Variants in TMEM63C observed in about 807,000 individuals in gnomAD.
TMEM63C encodes the protein osmosensitive cation channel TMEM63C.
Under a neutral mutation model 99.2 loss-of-function variants are expected in TMEM63C, and 32 were observed. That is an observed-to-expected ratio of 0.32 (90% CI 0.24 to 0.43). The LOEUF is 0.43. Among genes scored for constraint, TMEM63C ranks in the 20% least tolerant of loss-of-function variants. The probability of loss-of-function intolerance (pLI) is 1.00; values close to 1 mark genes in which losing one functional copy is unlikely to be tolerated. For missense variants in TMEM63C, 826 were observed against 1,053.0 expected (o/e 0.78, Z 2.98); for synonymous variants, 376 against 397.9 (o/e 0.94, Z 0.66).
At chr14:77,187,403 G>A (rs540124559) in intron 1 of TMEM63C, among the ~76,000 whole-genome samples, 152 of 152,362 alleles carry the variant, frequency 1.0e-3, no homozygotes, top group African/African-American at 3.5e-3. Context: ...AGTCACGGGA[G>A]CAGGGAAGGT....
chr14:77,255,189 C>A (rs911805908), intron 23 of TMEM63C, among the ~76,000 whole-genome samples: 1 of 152,346 alleles, frequency 6.6e-6, no homozygotes, highest in South Asian at 2.1e-4. Flanking sequence ...TGGGGTTTTA[C>A]CATGTTGGCC....
chr14:77,226,679 C>T (rs980866274), intron 6 of TMEM63C, among the ~76,000 whole-genome samples: 1 of 151,208 alleles, frequency 6.6e-6, no homozygotes, highest in African/African-American at 2.4e-5. Flanking sequence ...TGTGCACAGA[C>T]ATGGTAAATC....
chr14:77,216,127 G>GGA (rs34226160), intron 2 of TMEM63C, among the ~76,000 whole-genome samples: 139,904 of 148,960 alleles, frequency 0.94, 65,872 homozygotes, highest in Middle Eastern at 0.99. Flanking sequence ...AAGGAGGGAG[G>GGA]GAGAGAGAGA....
chr14:77,192,828 GGAAGAA>G (rs938150303), intron 1 of TMEM63C, among the ~76,000 whole-genome samples: 1 of 150,184 alleles, frequency 6.7e-6, no homozygotes, highest in African/African-American at 2.5e-5. Flanking sequence ...AAGAAGAAGA[GGAAGAA>G]GAAGAAGAGG....
chr14:77,243,851 A>G (rs930782918), intron 15 of TMEM63C, among the ~76,000 whole-genome samples: 21 of 151,000 alleles, frequency 1.4e-4, no homozygotes, highest in African/African-American at 4.2e-4. Flanking sequence ...GCATGCACGC[A>G]CACACATACA....
intron 1 of TMEM63C, among the ~76,000 whole-genome samples, chr14:77,199,051 A>G (rs1888255102): frequency 6.6e-6 from 1 of 152,216 alleles, no homozygotes; most frequent in Non-Finnish European, 1.5e-5. Flanking sequence ...GATGTATGTT[A>G]GAAGGAGATA....
Position 77,253,310 on chromosome 14 carries a change from G to A in TMEM63C, c.2154G>A (p.Glu718=). ...KLRMVADYEP[E]EEEIQTVFDM... ...ACCACCTCTCCCTGCTGCAGCCCGAGGAGGAGGAGATCCAGACAGTGTTTG... is the reference window on the plus strand; with the variant it reads ...ACCACCTCTCCCTGCTGCAGCCCGAAGAGGAGGAGATCCAGACAGTGTTTG... Residue 718 remains glutamate, a synonymous_variant, in exon 23 of 24, where the codon GAG becomes GAA. Coordinates refer to ENST00000298351, the MANE Select transcript of TMEM63C (RefSeq NM_020431.4). 1.9e-6 allele frequency: 3 copies of A among 1,611,722 alleles called. No individual in the cohort carries two copies. Among genetic ancestry groups the A allele is most frequent in the Non-Finnish European group, 2.5e-6 (3 of 1,178,812 alleles).
Position 77,244,399 on chromosome 14 carries a change from A to C in TMEM63C, c.1392A>C (p.Thr464=). ...FFPSVMLWGF[T]VILPLIVYFS... ...CCTCTGTGATGCTCTGGGGCTTCAC[A>C]GTGATACTGCCTCTGATTGTCTACT... is the stretch of plus-strand genomic sequence containing the variant. The change falls in exon 16 of 24, where the codon ACA becomes ACC. Residue 464 remains threonine (T), a synonymous_variant. Transcript: ENST00000298351. The C allele has an allele frequency of 1.2e-6, 2 of 1,613,956 alleles. No homozygotes were observed. Among genetic ancestry groups the C allele is most frequent in the Non-Finnish European group, 1.7e-6 (2 of 1,179,882 alleles).
At chr14:77,211,510 T>C (rs1888497687) in intron 1 of TMEM63C, among the ~76,000 whole-genome samples, 1 of 152,212 alleles carries the variant, frequency 6.6e-6, no homozygotes, top group African/African-American at 2.4e-5. Context: ...TCCTGGACCA[T>C]CCTAACTCTG....
intron 5 of TMEM63C, among the ~76,000 whole-genome samples, chr14:77,223,303 GTAAAT>G (rs1888758607): frequency 6.6e-6 from 1 of 152,140 alleles, no homozygotes; most frequent in Non-Finnish European, 1.5e-5. Context: ...TGAAGAGGGC[GTAAAT>G]TAAATTAAAT....
intron 6 of TMEM63C, among the ~76,000 whole-genome samples, chr14:77,230,399 G>A (rs1483087353): frequency 6.6e-6 from 1 of 152,198 alleles, no homozygotes; most frequent in South Asian, 2.1e-4. Flanking sequence ...AGTATGTGTT[G>A]TTTGTGCCTG....
At chr14:77,208,558 C>T (rs1173985917) in intron 1 of TMEM63C, among the ~76,000 whole-genome samples, 1 of 152,150 alleles carries the variant, frequency 6.6e-6, no homozygotes, top group Non-Finnish European at 1.5e-5. Context: ...AATTGAAGAG[C>T]TCTAATCTGT....
chr14:77,253,823 C>G (rs889645080), intron 23 of TMEM63C, among the ~76,000 whole-genome samples: 1 of 152,196 alleles, frequency 6.6e-6, no homozygotes, highest in African/African-American at 2.4e-5. Context: ...AATGAGCGAG[C>G]CTGTCTGCGT....
rs2140108444 is a variant in TMEM63C at position 77,218,847 on chromosome 14, G to C, written c.34G>C (p.Gly12Arg). Residue 12 changes from glycine to arginine, a missense_variant, in exon 3 of 24, where the codon GGA becomes CGA. Coordinates refer to ENST00000298351, the MANE Select transcript of TMEM63C (RefSeq NM_020431.4). ...CTCACCAGACGACCTGAGTACAGGG[G>C]GAAGGTTACAGAACATGACAGTGGA... ...SASPDDLSTG[G>R]RLQNMTVDEC... 1 of 1,613,708 alleles carries C rather than the reference G, an allele frequency of 6.2e-7. No individual in the cohort carries two copies. Among genetic ancestry groups the C allele is most frequent in the Non-Finnish European group, 8.5e-7 (1 of 1,179,792 alleles).
At position 77,249,585 on chromosome 14, in the gene TMEM63C, A is replaced by C. The variant is rs558300921; in HGVS notation, c.2038+127A>C. On this transcript the variant is annotated intron_variant, in intron 21 of 23. Coordinates refer to ENST00000298351, the MANE Select transcript of TMEM63C (RefSeq NM_020431.4). ...AAGACGCTGCTCACCAGACCTGGCC[A>C]CACCCAGTGACTTCTCTGGGCCTAA... 146 of 1,013,474 alleles carry C rather than the reference A, an allele frequency of 1.4e-4. 2 individuals are homozygous for C. In the South Asian group the frequency reaches 2.2e-3, roughly 15 times the overall value. 62.8% of individuals were successfully genotyped at this position (1,013,474 alleles called of 1,614,324 possible). A position where few individuals can be genotyped will look rare whatever the true frequency, so the allele number is the denominator to read the frequency against.
chr14:77,228,429 G>T (rs1888872307), intron 6 of TMEM63C, among the ~76,000 whole-genome samples: 1 of 152,116 alleles, frequency 6.6e-6, no homozygotes, highest in Middle Eastern at 3.4e-3. Context: ...TCCAGGGAGG[G>T]AAACGTTTAG....
At chr14:77,219,808 C>T (rs983897381) in intron 4 of TMEM63C, among the ~76,000 whole-genome samples, 198 bp from the exon 5 acceptor site, 1 of 152,210 alleles carries the variant, frequency 6.6e-6, no homozygotes, top group Non-Finnish European at 1.5e-5. Flanking sequence ...TGGCTGAACT[C>T]CCAGATGCCT....
intron 1 of TMEM63C, among the ~76,000 whole-genome samples, chr14:77,204,020 G>C (rs1488141089): frequency 1.3e-5 from 2 of 152,268 alleles, no homozygotes; most frequent in Non-Finnish European, 2.9e-5. Context: ...GGAGAGGCTG[G>C]AGGGAGAACC....
chr14:77,228,384 C>T (rs1209199930), intron 6 of TMEM63C, among the ~76,000 whole-genome samples: 1 of 134,320 alleles, frequency 7.4e-6, no homozygotes, highest in Non-Finnish European at 1.7e-5. Flanking sequence ...TCCAGAAGTT[C>T]TCATCCATTC....
Sources: gnomAD v4.1 joint callset for allele counts (sites outside exome capture counted in the v4.1 genomes callset) on GRCh38, gnomAD v4.1.1 for gene constraint, MANE v1.5 for transcripts, NCBI Gene and HGNC (gene_info 2026-07-23, HGNC 2026-07-21) for gene names.